The following RGS6 variants were observed in gnomAD, a reference collection of about 807,000 sequenced individuals.
RGS6 encodes regulator of G-protein signaling 6.
RGS6 carries 30 observed loss-of-function variants against 78.5 expected under a neutral mutation model. The ratio of observed to expected loss-of-function variants is 0.38; its 90% CI spans 0.29 to 0.52. The LOEUF (loss-of-function observed/expected upper bound fraction) is 0.52, where lower values mean the gene tolerates loss of function less well. Among genes scored for constraint, RGS6 ranks in the 20% least tolerant of loss-of-function variants. The pLI is 0.85. For synonymous variants in RGS6, 206 were observed against 206.0 expected (o/e 1.00, Z 0.00); for missense variants, 495 against 609.7 (o/e 0.81, Z 1.98).
intron 2 of RGS6, among the ~76,000 whole-genome samples, chr14:72,211,978 T>G (rs1286283961): frequency 6.6e-6 from 1 of 152,162 alleles, no homozygotes. Context: ...AGAGAGGTGA[T>G]GTAGTCAGGA....
At chr14:72,079,996 C>T (rs770245583) in intron 2 of RGS6, among the ~76,000 whole-genome samples, 12 of 152,048 alleles carry the variant, frequency 7.9e-5, no homozygotes, top group Non-Finnish European at 1.3e-4. Flanking sequence ...ACAATGAACA[C>T]GGGAGTGCAG....
intron 17 of RGS6, among the ~76,000 whole-genome samples, chr14:72,549,820 C>T (rs1243268958): frequency 1.3e-5 from 2 of 152,194 alleles, no homozygotes; most frequent in Non-Finnish European, 2.9e-5. Context: ...CAAGCTTGCA[C>T]CACCTCACTC....
chr14:71,915,277 TC>T, the RGS6 span, among the ~76,000 whole-genome samples: 1 of 151,594 alleles, frequency 6.6e-6, no homozygotes, highest in Admixed American at 6.6e-5. Context: ...AAGAAAAAGT[TC>T]AACTTGGAGG....
chr14:72,578,948 G>A, the RGS6 span, among the ~76,000 whole-genome samples: 2 of 152,156 alleles, frequency 1.3e-5, no homozygotes, highest in East Asian at 3.9e-4. Context: ...TGGTATGAGA[G>A]CCTGGAGAAT....
intron 3 of RGS6, among the ~76,000 whole-genome samples, chr14:72,383,954 A>G (rs1265995386): frequency 6.6e-6 from 1 of 152,232 alleles, no homozygotes; most frequent in East Asian, 1.9e-4. Flanking sequence ...CTGAATTGCT[A>G]CAGTTACTTT....
At chr14:72,569,111 G>GGTGTGT (rs35508602), downstream of RGS6, among the ~76,000 whole-genome samples, 6 of 137,510 alleles carry the variant, frequency 4.4e-5, no homozygotes, top group African/African-American at 1.2e-4. Context: ...GATTCTCTGG[G>GGTGTGT]GTGTGTGTGT....
At chr14:71,885,930 C>G in the RGS6 span, among the ~76,000 whole-genome samples, 1 of 151,468 alleles carries the variant, frequency 6.6e-6, no homozygotes, top group African/African-American at 2.4e-5. Context: ...TTCCCTCCCT[C>G]CCACTCTCCT....
At chr14:72,522,969 T>C (rs1447794834) in intron 15 of RGS6, among the ~76,000 whole-genome samples, 1 of 152,216 alleles carries the variant, frequency 6.6e-6, no homozygotes, top group Admixed American at 6.5e-5. Context: ...CAATCTGAAT[T>C]GTGAATGTTT....
At chr14:72,326,592 T>G (rs1285769477) in intron 2 of RGS6, among the ~76,000 whole-genome samples, 2 of 152,190 alleles carry the variant, frequency 1.3e-5, no homozygotes, top group African/African-American at 2.4e-5. Flanking sequence ...GCGGTGACTG[T>G]AAGCTTCCTG....
At chr14:72,378,827 C>G (rs1485309459) in intron 3 of RGS6, among the ~76,000 whole-genome samples, 1 of 152,008 alleles carries the variant, frequency 6.6e-6, no homozygotes. Context: ...GAAATTTTTC[C>G]TAACTCATTC....
chr14:72,118,772 CTATT>C (rs968313989), intron 2 of RGS6, among the ~76,000 whole-genome samples: 6 of 152,134 alleles, frequency 3.9e-5, no homozygotes, highest in Non-Finnish European at 5.9e-5. Context: ...CTGGAAGAGT[CTATT>C]TAATAATGCA....
chr14:72,172,747 A>G (rs2097042817), intron 2 of RGS6, among the ~76,000 whole-genome samples: 1 of 152,224 alleles, frequency 6.6e-6, no homozygotes, highest in Non-Finnish European at 1.5e-5. Context: ...AGGCAGTGGC[A>G]TTACAACAGT....
intron 2 of RGS6, among the ~76,000 whole-genome samples, chr14:72,342,635 T>G (rs1351619022): frequency 7.6e-6 from 1 of 131,590 alleles, no homozygotes; most frequent in African/African-American, 2.9e-5. Context: ...GATGCTGAGG[T>G]GGGAGAATTG....
intron 3 of RGS6, among the ~76,000 whole-genome samples, chr14:72,412,002 C>G (rs1190934200): frequency 6.6e-6 from 1 of 152,124 alleles, no homozygotes; most frequent in Non-Finnish European, 1.5e-5. Context: ...CATCAGTGTT[C>G]ATCAAGGATA....
At chr14:72,530,380 C>G (rs2097167606) in intron 15 of RGS6, among the ~76,000 whole-genome samples, 1 of 152,128 alleles carries the variant, frequency 6.6e-6, no homozygotes, top group African/African-American at 2.4e-5. Context: ...ACATTTGTAC[C>G]TAAGCTTTAA....
At chr14:72,331,816 TTTTG>T (rs1315698368) in intron 2 of RGS6, among the ~76,000 whole-genome samples, 1 of 152,190 alleles carries the variant, frequency 6.6e-6, no homozygotes, top group Non-Finnish European at 1.5e-5. Flanking sequence ...AAACACCCAA[TTTTG>T]TTTTTCTCCG....
At chr14:72,195,207 C>CAAA (rs539081840) in intron 2 of RGS6, among the ~76,000 whole-genome samples, 1 of 138,714 alleles carries the variant, frequency 7.2e-6, no homozygotes, top group African/African-American at 2.7e-5. Context: ...AACTCCATCT[C>CAAA]AAAAAAAAAA....
chr14:72,429,780 A>T (rs1302804515), intron 3 of RGS6, among the ~76,000 whole-genome samples: 1 of 152,134 alleles, frequency 6.6e-6, no homozygotes, highest in East Asian at 1.9e-4. Context: ...CCCAAATCTC[A>T]TCTTGGCTTA....
At chr14:71,955,896 T>C (rs2092750840) in intron 1 of RGS6, among the ~76,000 whole-genome samples, 1 of 152,096 alleles carries the variant, frequency 6.6e-6, no homozygotes, top group Non-Finnish European at 1.5e-5. Flanking sequence ...AGAAAAACTT[T>C]CCCCCATAAG....
Sources: gnomAD v4.1 joint callset for allele counts (sites outside exome capture counted in the v4.1 genomes callset) on GRCh38, gnomAD v4.1.1 for gene constraint, MANE v1.5 for transcripts, NCBI Gene and HGNC (gene_info 2026-07-23, HGNC 2026-07-21) for gene names.